The following CALN1 variants were observed in gnomAD, a reference collection of about 807,000 sequenced individuals.
CALN1 encodes calneuron 1, also known as calcium-binding protein 8.
CALN1 carries 17 observed loss-of-function variants against 30.6 expected under a neutral mutation model. The observed-to-expected ratio is 0.56, with a 90% CI of 0.38 to 0.83. The LOEUF (loss-of-function observed/expected upper bound fraction) is 0.83. Among genes scored for constraint, CALN1 ranks in the 40% least tolerant of loss-of-function variants. The pLI is 0.00. For missense variants in CALN1, 291 were observed against 354.9 expected (o/e 0.82, Z 1.45); for synonymous variants, 156 against 131.4 (o/e 1.19, Z -1.28).
chr7:72,319,429 G>A (rs759017121), intron 2 of CALN1, among the ~76,000 whole-genome samples: 7 of 152,108 alleles, frequency 4.6e-5, no homozygotes, highest in South Asian at 2.1e-4. Flanking sequence ...TCGCTATCAC[G>A]AGAACAGCAT....
At chr7:71,971,364 C>T (rs1436704074) in intron 5 of CALN1, among the ~76,000 whole-genome samples, 5 of 152,180 alleles carry the variant, frequency 3.3e-5, no homozygotes, top group Admixed American at 1.3e-4. Context: ...GCAGGAGAAT[C>T]GCTTGAACCT....
At chr7:72,367,243 T>A (rs776808346) in intron 2 of CALN1, among the ~76,000 whole-genome samples, 1 of 152,076 alleles carries the variant, frequency 6.6e-6, no homozygotes, top group African/African-American at 2.4e-5. Flanking sequence ...TCCAAACACT[T>A]TGGGAGGCTG....
chr7:72,207,053 A>G lies in CALN1; in HGVS notation c.244+71633T>C, dbSNP rs554712428. On this transcript the variant is annotated intron_variant, in intron 3 of 6. Coordinates refer to ENST00000395275, the MANE Select transcript of CALN1 (RefSeq NM_031468.4). ...ATCTCTAACATCAATATCAATGATAAAATATCAACTATTACAATTTGCCAG... is the reference window on the plus strand; with the variant it reads ...ATCTCTAACATCAATATCAATGATAGAATATCAACTATTACAATTTGCCAG... Among the ~76,000 whole-genome samples the G allele has an allele frequency of 5.3e-5, 8 of 152,350 alleles. No individual in the cohort carries two copies. In the East Asian group the frequency reaches 1.4e-3, roughly 26 times the overall value.
chr7:72,216,686 T>C (rs1413793638), intron 3 of CALN1, among the ~76,000 whole-genome samples: 2 of 152,058 alleles, frequency 1.3e-5, no homozygotes, highest in Non-Finnish European at 2.9e-5. Flanking sequence ...GATCCCAAAA[T>C]AAAGCAGGGG....
chr7:72,467,296 A>G, the CALN1 span, among the ~76,000 whole-genome samples: 1 of 152,174 alleles, frequency 6.6e-6, no homozygotes, highest in Non-Finnish European at 1.5e-5. Flanking sequence ...GGCGGTTTGC[A>G]ATGTCCACAC....
intron 5 of CALN1, among the ~76,000 whole-genome samples, chr7:72,022,380 T>C (rs1800754656): frequency 6.6e-6 from 1 of 152,180 alleles, no homozygotes; most frequent in South Asian, 2.1e-4. Flanking sequence ...TGTGTTTCCC[T>C]AGCCAAATTA....
intron 4 of CALN1, among the ~76,000 whole-genome samples, chr7:72,064,534 C>A (rs1363913134): frequency 6.6e-6 from 1 of 152,082 alleles, no homozygotes; most frequent in Non-Finnish European, 1.5e-5. Flanking sequence ...TTGTAGCCAG[C>A]AAATCCTGAC....
chr7:71,898,010 AGGGGGG>A (rs1295708591), intron 5 of CALN1, among the ~76,000 whole-genome samples: 6,213 of 61,080 alleles, frequency 0.1, 633 homozygotes, highest in African/African-American at 0.27. Context: ...AGAGGGAGGG[AGGGGGG>A]GGGAGAGAGA....
chr7:72,142,722 C>G (rs1563093764), intron 3 of CALN1, among the ~76,000 whole-genome samples: 1 of 152,188 alleles, frequency 6.6e-6, no homozygotes, highest in Non-Finnish European at 1.5e-5. Context: ...GGGAAGCACC[C>G]CCCAGTAGGG....
chr7:72,426,465 T>C (rs1305567338), intron 1 of CALN1, among the ~76,000 whole-genome samples: 2 of 152,236 alleles, frequency 1.3e-5, no homozygotes, highest in Non-Finnish European at 2.9e-5. Flanking sequence ...CCTGCTGCCA[T>C]GTGAAGGACA....
intron 5 of CALN1, among the ~76,000 whole-genome samples, chr7:71,935,498 G>C (rs190760811): frequency 1.3e-5 from 2 of 152,098 alleles, no homozygotes; most frequent in African/African-American, 4.8e-5. Flanking sequence ...CGAGGCGGGC[G>C]GATCACCTGA....
intron 1 of CALN1, 27 bp from the exon 2 acceptor site, chr7:72,403,469 GC>G: frequency 1.1e-6 from 1 of 896,356 alleles, no homozygotes; most frequent in Non-Finnish European, 1.7e-6. Context: ...GAAACTTACA[GC>G]CTGCACAGTG....
intron 5 of CALN1, among the ~76,000 whole-genome samples, chr7:71,942,647 T>C (rs551563800): frequency 6.6e-6 from 1 of 152,310 alleles, no homozygotes; most frequent in South Asian, 2.1e-4. Flanking sequence ...ATGGATGTGA[T>C]GGAATGCTCT....
At chr7:72,391,485 A>T (rs971401055) in intron 2 of CALN1, among the ~76,000 whole-genome samples, 46 of 145,144 alleles carry the variant, frequency 3.2e-4, no homozygotes, top group East Asian at 8.0e-4. Context: ...GATGAAGAAG[A>T]AGTGTGGTAG....
At chr7:72,158,391 G>C (rs1243146936) in intron 3 of CALN1, among the ~76,000 whole-genome samples, 3 of 152,182 alleles carry the variant, frequency 2.0e-5, no homozygotes, top group African/African-American at 4.8e-5. Context: ...GAGTTTGCAT[G>C]AGGCAGATCA....
In CALN1 at chr7:72,098,759, G is replaced by GACAC. The variant is rs1806413355; in HGVS notation, c.388+7391_388+7392insGTGT. Among the ~76,000 whole-genome samples, 20 of 64,588 alleles carry GACAC rather than the reference G, an allele frequency of 3.1e-4. No homozygotes were observed. In the East Asian group the frequency reaches 5.7e-3, roughly 19 times the overall value. The allele number at this position is 64,588 out of a possible 152,430, so 42.4% of individuals were successfully genotyped here. A position where few individuals can be genotyped will look rare whatever the true frequency, so the allele number is the denominator to read the frequency against. ...TAACTCTGAGCAGTTCAGCCCATTT[G>GACAC]GCGCGCACACACACACACACACACA... On this transcript the variant is annotated intron_variant, in intron 4 of 6. Coordinates refer to ENST00000395275, the MANE Select transcript of CALN1 (RefSeq NM_031468.4).
At chr7:72,133,767 G>A (rs997331027) in intron 3 of CALN1, among the ~76,000 whole-genome samples, 3 of 152,100 alleles carry the variant, frequency 2.0e-5, no homozygotes, top group South Asian at 2.1e-4. Flanking sequence ...TAGGTTCCAG[G>A]ACAAGGATAC....
chr7:72,086,678 C>T (rs893295747), intron 4 of CALN1, among the ~76,000 whole-genome samples: 2 of 152,182 alleles, frequency 1.3e-5, no homozygotes, highest in African/African-American at 4.8e-5. Context: ...AAGTGATCCA[C>T]CTGCCTCAGC....
chr7:72,054,460 T>TATATATAC (rs1803079614), intron 4 of CALN1, among the ~76,000 whole-genome samples: 2 of 78,574 alleles, frequency 2.5e-5, no homozygotes, highest in African/African-American at 8.5e-5. Flanking sequence ...TATATATACA[T>TATATATAC]ATATATACAT....
Sources: allele counts gnomAD v4.1 joint callset (sites outside exome capture counted in the v4.1 genomes callset), GRCh38; gene constraint gnomAD v4.1.1; transcripts MANE v1.5; gene names NCBI Gene and HGNC (gene_info 2026-07-23, HGNC 2026-07-21).